Variants in NTM observed in about 807,000 individuals in gnomAD.
The protein encoded by NTM is IgLON family member 2.
NTM carries 13 observed loss-of-function variants against 42.1 expected under a neutral mutation model. The observed-to-expected ratio is 0.31, with a 90% CI of 0.20 to 0.49. The LOEUF (loss-of-function observed/expected upper bound fraction) is 0.49. NTM is among the 20% of genes least tolerant of loss of function. NTM has a pLI of 0.99. For synonymous variants in NTM, 187 were observed against 179.2 expected (o/e 1.04, Z -0.35); for missense variants, 373 against 452.8 (o/e 0.82, Z 1.60).
chr11:131,805,109 C>T (rs868754084), intron 1 of NTM, among the ~76,000 whole-genome samples: 19 of 152,282 alleles, frequency 1.2e-4, no homozygotes, highest in Non-Finnish European at 1.8e-4. Flanking sequence ...GAAACATTCA[C>T]GTTATAATAT....
intron 1 of NTM, among the ~76,000 whole-genome samples, chr11:131,617,224 G>A (rs942418462): frequency 6.6e-6 from 1 of 152,106 alleles, no homozygotes; most frequent in Non-Finnish European, 1.5e-5. Flanking sequence ...AGTGCTGAGA[G>A]TGGAGGGCTG....
chr11:131,682,563 C>T (rs1460341133), intron 1 of NTM, among the ~76,000 whole-genome samples: 1 of 152,216 alleles, frequency 6.6e-6, no homozygotes, highest in Admixed American at 6.5e-5. Flanking sequence ...GGGTGGGGAC[C>T]AGGGAGCCTG....
intron 3 of NTM, 96 bp from the exon 4 acceptor site, chr11:132,211,926 A>T: frequency 8.4e-7 from 1 of 1,192,160 alleles, no homozygotes. Context: ...TAGTCCATAT[A>T]TTTTACTCTC....
Position 131,554,877 on chromosome 11 carries a change from G to A in NTM, c.82+183989G>A, listed in dbSNP as rs547443345. Among the ~76,000 whole-genome samples, 300 of 152,262 alleles carry A rather than the reference G, an allele frequency of 2.0e-3. 2 individuals are homozygous for A. The highest frequency in any genetic ancestry group is 7.1e-3 in the African/African-American group (294 of 41,552). Reference sequence around the variant, plus strand: ...GCTCTGCTCCTGAGTGGGGGATGGAGGCTATTGATGGCAGGGCACCTGTCC... The same window carrying A: ...GCTCTGCTCCTGAGTGGGGGATGGAAGCTATTGATGGCAGGGCACCTGTCC... On this transcript the variant is annotated intron_variant, in intron 1 of 8. Coordinates refer to ENST00000683400, the MANE Select transcript of NTM (RefSeq NM_001352005.2).
intron 2 of NTM, among the ~76,000 whole-genome samples, chr11:131,939,293 C>T (rs1345164983): frequency 6.6e-6 from 1 of 151,978 alleles, no homozygotes; most frequent in Admixed American, 6.6e-5. Flanking sequence ...AGACAGTGAC[C>T]GATTTTGTGG....
chr11:131,637,147 T>C (rs2064501777), intron 1 of NTM, among the ~76,000 whole-genome samples: 1 of 152,082 alleles, frequency 6.6e-6, no homozygotes, highest in South Asian at 2.1e-4. Context: ...GCTCCAACAA[T>C]GCTGTGCTCA....
intron 2 of NTM, among the ~76,000 whole-genome samples, chr11:132,111,372 A>C (rs1004218346): frequency 2.0e-5 from 3 of 152,122 alleles, no homozygotes; most frequent in Non-Finnish European, 4.4e-5. Flanking sequence ...AAGTTTTAGA[A>C]AACAAAAACA....
chr11:132,078,103 A>C lies in NTM; in HGVS notation c.168-68179A>C, dbSNP rs2058593327. Reference sequence around the variant, plus strand: ...ACGAGGGGATCATCACTTGCTTCTCAGTGTCTACTTTGAACACCATGACAC... The same window carrying C: ...ACGAGGGGATCATCACTTGCTTCTCCGTGTCTACTTTGAACACCATGACAC... On this transcript the variant is annotated intron_variant, in intron 2 of 8. Transcript: ENST00000683400. 2.0e-5 allele frequency among the ~76,000 whole-genome samples: 3 copies of C among 152,234 alleles called. No homozygotes were observed. In the South Asian group the frequency reaches 6.2e-4, roughly 31 times the overall value.
intron 1 of NTM, among the ~76,000 whole-genome samples, chr11:131,572,622 C>T (rs2057552137): frequency 6.6e-6 from 1 of 152,156 alleles, no homozygotes; most frequent in African/African-American, 2.4e-5. Flanking sequence ...GCAGAGACGG[C>T]TCCCTGAATA....
intron 3 of NTM, among the ~76,000 whole-genome samples, chr11:132,199,083 AG>A (rs2080761212): frequency 6.6e-6 from 1 of 152,242 alleles, no homozygotes; most frequent in Non-Finnish European, 1.5e-5. Flanking sequence ...GTCACAGTCT[AG>A]GGTGGCTAGA....
At chr11:131,920,219 T>TA (rs546774846) in intron 2 of NTM, among the ~76,000 whole-genome samples, 1 of 152,086 alleles carries the variant, frequency 6.6e-6, no homozygotes, top group South Asian at 2.1e-4. Flanking sequence ...AGTCAAATGG[T>TA]AAAAAACAGG....
chr11:131,697,375 G>T (rs1371404597), intron 1 of NTM, among the ~76,000 whole-genome samples: 1 of 152,208 alleles, frequency 6.6e-6, no homozygotes, highest in Non-Finnish European at 1.5e-5. Flanking sequence ...AGTACTGTCT[G>T]ATTGTTTTAC....
chr11:131,873,648 T>C (rs1008477187), intron 1 of NTM, among the ~76,000 whole-genome samples: 34 of 121,550 alleles, frequency 2.8e-4, no homozygotes, highest in Non-Finnish European at 4.4e-4. Flanking sequence ...CATATATATA[T>C]ACACACATAT....
chr11:131,542,362 A>G (rs73574299), intron 1 of NTM, among the ~76,000 whole-genome samples: 13,110 of 152,218 alleles, frequency 0.086, 1,886 homozygotes, highest in African/African-American at 0.3. Context: ...TGTCTTCAGA[A>G]CTGCACTGTG....
intron 1 of NTM, among the ~76,000 whole-genome samples, chr11:131,741,461 A>G (rs1048495372): frequency 1.3e-5 from 2 of 152,198 alleles, no homozygotes; most frequent in African/African-American, 4.8e-5. Context: ...TACCTTTGGA[A>G]GCTGGACTTT....
At chr11:131,858,660 C>T (rs2046336046) in intron 1 of NTM, among the ~76,000 whole-genome samples, 1 of 152,190 alleles carries the variant, frequency 6.6e-6, no homozygotes, top group South Asian at 2.1e-4. Context: ...AAGCGGACAC[C>T]GAGCTCACTG....
At chr11:131,592,661 C>CACACACACACACACACAA (rs1208373737) in intron 1 of NTM, among the ~76,000 whole-genome samples, 16 of 149,486 alleles carry the variant, frequency 1.1e-4, no homozygotes, top group African/African-American at 3.8e-4. Flanking sequence ...CACACACACA[C>CACACACACACACACACAA]ACACACACAC....
chr11:132,105,213 C>A (rs556778228), intron 2 of NTM, among the ~76,000 whole-genome samples: 1 of 151,422 alleles, frequency 6.6e-6, no homozygotes, highest in South Asian at 2.1e-4. Flanking sequence ...CGAGTTGAGA[C>A]CTGAAGTCTG....
intron 1 of NTM, among the ~76,000 whole-genome samples, chr11:131,813,904 G>GT (rs1364037030): frequency 6.6e-6 from 1 of 152,010 alleles, no homozygotes; most frequent in African/African-American, 2.4e-5. Flanking sequence ...CTCCTCATTC[G>GT]TAACAGTGCC....
Sources: gnomAD v4.1 joint callset for allele counts (sites outside exome capture counted in the v4.1 genomes callset) on GRCh38, gnomAD v4.1.1 for gene constraint, MANE v1.5 for transcripts, NCBI Gene and HGNC (gene_info 2026-07-23, HGNC 2026-07-21) for gene names.